DLEU7: variants seen among roughly 807,000 people sequenced by gnomAD.
DLEU7 encodes deleted in lymphocytic leukemia 7, also known as leukemia-associated protein 7.
A neutral mutation model predicts 16.0 loss-of-function variants in DLEU7; 17 were observed. The observed-to-expected ratio is 1.06, with a 90% confidence interval of 0.73 to 1.59. The LOEUF (loss-of-function observed/expected upper bound fraction) is 1.59. Among genes scored for constraint, DLEU7 ranks in the 40% most tolerant of loss-of-function variants. DLEU7 has a pLI of 0.00. For missense variants in DLEU7, 308 were observed against 314.9 expected (o/e 0.98, Z 0.17); for synonymous variants, 113 against 139.8 (o/e 0.81, Z 1.35).
rs1402911101 is a variant in DLEU7, at chr13:50,843,037, C to T, written c.459+151G>A. 4 of 840,652 alleles carry T rather than the reference C, an allele frequency of 4.8e-6. No individual in the cohort carries two copies. Among genetic ancestry groups the T allele is most frequent in the African/African-American group, 1.8e-5 (1 of 55,088 alleles). The allele number at this position is 840,652 out of a possible 1,614,324, so 52.1% of individuals were successfully genotyped here. A position where few individuals can be genotyped will look rare whatever the true frequency, so the allele number is the denominator to read the frequency against. ...TCCTGCTGAGTCCCCAGAGTGTCCC[C>T]CGCCCCCTTCCTTCTCCCACTGGGG... is the stretch of plus-strand genomic sequence containing the variant. On this transcript the variant is annotated intron_variant, in intron 1 of 1. Transcript: ENST00000504404. The surrounding 1 kb of genome is among the most constrained non-coding windows in gnomAD (Gnocchi z 5.7).
intron 1 of DLEU7, among the ~76,000 whole-genome samples, chr13:50,840,760 G>A (rs984889106): frequency 6.6e-6 from 1 of 151,658 alleles, no homozygotes; most frequent in East Asian, 1.9e-4. Context: ...ATTTGCTCCA[G>A]TGGAATTAAC....
intron 1 of DLEU7, among the ~76,000 whole-genome samples, chr13:50,824,127 C>A (rs995177587): frequency 1.3e-5 from 2 of 152,140 alleles, no homozygotes; most frequent in Non-Finnish European, 2.9e-5. Flanking sequence ...TCACTGTGTT[C>A]GGTAGTTCAG....
chr13:50,780,122 G>A (rs1441315046), intron 1 of DLEU7, among the ~76,000 whole-genome samples: 1 of 152,168 alleles, frequency 6.6e-6, no homozygotes, highest in Non-Finnish European at 1.5e-5. Context: ...GGGGATCAGG[G>A]ATCAAGGTCT....
chr13:50,826,812 A>G (rs1877100638), intron 1 of DLEU7, among the ~76,000 whole-genome samples: 4 of 152,222 alleles, frequency 2.6e-5, no homozygotes, highest in Admixed American at 6.5e-5. Flanking sequence ...TCAACGAATG[A>G]CAAGACAGCA....
At chr13:50,801,713 C>T (rs1566255914) in intron 1 of DLEU7, among the ~76,000 whole-genome samples, 1 of 152,034 alleles carries the variant, frequency 6.6e-6, no homozygotes, top group Non-Finnish European at 1.5e-5. Flanking sequence ...TCAGCGCGCC[C>T]TTGTACCACC....
intron 1 of DLEU7, among the ~76,000 whole-genome samples, chr13:50,807,104 A>T (rs1224126440): frequency 2.0e-5 from 3 of 151,792 alleles, no homozygotes; most frequent in African/African-American, 4.8e-5. Flanking sequence ...TGGTGTTAAG[A>T]TATATATAAA....
intron 1 of DLEU7, among the ~76,000 whole-genome samples, chr13:50,795,626 T>G (rs1181583523): frequency 6.6e-6 from 1 of 152,204 alleles, no homozygotes; most frequent in African/African-American, 2.4e-5. Context: ...AATATTAAAA[T>G]TCTCTACCTT....
chr13:50,812,218 A>G (rs1876591411), intron 1 of DLEU7, among the ~76,000 whole-genome samples: 1 of 152,152 alleles, frequency 6.6e-6, no homozygotes, highest in Non-Finnish European at 1.5e-5. Flanking sequence ...ATCAATATAA[A>G]TGCATAAATA....
chr13:50,746,679 T>G (rs915250967), intron 1 of DLEU7, among the ~76,000 whole-genome samples: 17 of 152,316 alleles, frequency 1.1e-4, no homozygotes, highest in African/African-American at 4.1e-4. Flanking sequence ...CATGAATTTT[T>G]TCCTAGATTT....
chr13:50,774,820 T>C (rs1389314933), intron 1 of DLEU7, among the ~76,000 whole-genome samples: 1 of 152,186 alleles, frequency 6.6e-6, no homozygotes, highest in Non-Finnish European at 1.5e-5. Context: ...ATGCTTGCTA[T>C]TGGCTTTCTT....
chr13:50,809,321 A>G (rs1876492091), intron 1 of DLEU7, among the ~76,000 whole-genome samples: 1 of 152,168 alleles, frequency 6.6e-6, no homozygotes. Context: ...ATTTCTTTCC[A>G]TCTTAGCCCA....
intron 1 of DLEU7, among the ~76,000 whole-genome samples, chr13:50,791,839 C>G (rs1026044421): frequency 6.6e-6 from 1 of 152,206 alleles, no homozygotes; most frequent in African/African-American, 2.4e-5. Context: ...GACGCCTTTA[C>G]ATGTTTTCCA....
intron 1 of DLEU7, among the ~76,000 whole-genome samples, chr13:50,783,020 G>A (rs573855187): frequency 1.3e-5 from 2 of 152,248 alleles, no homozygotes; most frequent in Admixed American, 6.5e-5. Flanking sequence ...TTTTACAAAA[G>A]GTATAACCCA....
chr13:50,714,225 G>A (rs1256693334), intron 1 of DLEU7, among the ~76,000 whole-genome samples: 2 of 152,170 alleles, frequency 1.3e-5, no homozygotes, highest in Admixed American at 6.5e-5. Context: ...CATGCCTGAG[G>A]TCTAGGGCTA....
chr13:50,783,905 G>A (rs911746311), intron 1 of DLEU7, among the ~76,000 whole-genome samples: 1 of 152,158 alleles, frequency 6.6e-6, no homozygotes. Flanking sequence ...GATATGGCCA[G>A]GCCCTCTAGG....
intron 1 of DLEU7, among the ~76,000 whole-genome samples, chr13:50,817,556 C>T (rs1030386812): frequency 2.6e-5 from 4 of 152,138 alleles, no homozygotes; most frequent in African/African-American, 9.7e-5. Flanking sequence ...TGTCTTGAAA[C>T]TCACGGATCT....
intron 1 of DLEU7, among the ~76,000 whole-genome samples, chr13:50,753,641 T>G (rs1874658724): frequency 1.3e-5 from 2 of 152,142 alleles, no homozygotes; most frequent in Admixed American, 1.3e-4. Flanking sequence ...GAACTCGCAC[T>G]GGCCCGCAAG....
chr13:50,757,297 T>C (rs544098161), intron 1 of DLEU7, among the ~76,000 whole-genome samples: 1 of 152,300 alleles, frequency 6.6e-6, no homozygotes, highest in East Asian at 1.9e-4. Flanking sequence ...AACACAAAAG[T>C]GAGGCAGACG....
intron 1 of DLEU7, among the ~76,000 whole-genome samples, chr13:50,814,082 A>G (rs1329139220): frequency 6.6e-6 from 1 of 152,206 alleles, no homozygotes; most frequent in Non-Finnish European, 1.5e-5. Flanking sequence ...ATTTTTTAAT[A>G]TAGAGCTTAC....
Sources: allele counts gnomAD v4.1 joint callset (sites outside exome capture counted in the v4.1 genomes callset), GRCh38; gene constraint gnomAD v4.1.1; non-coding constraint Gnocchi (gnomAD v3.1); transcripts MANE v1.5; gene names NCBI Gene and HGNC (gene_info 2026-07-23, HGNC 2026-07-21).